The following FASN variants were observed in gnomAD, a reference collection of about 807,000 sequenced individuals.
The protein encoded by FASN is 3-hydroxyacyl-[acyl-carrier-protein] dehydratase.
In FASN, 50 loss-of-function variants were observed where a neutral mutation model predicts 250.0. The ratio of observed to expected loss-of-function variants is 0.20; its 90% CI spans 0.16 to 0.25. FASN has a LOEUF of 0.25. Among genes scored for constraint, FASN ranks in the 10% least tolerant of loss-of-function variants. The pLI is 1.00. For synonymous variants in FASN, 1,909 were observed against 1,584.0 expected (o/e 1.21, Z -4.87); for missense variants, 3,031 against 3,498.5 (o/e 0.87, Z 3.37).
In FASN at chr17:82,087,879, C is replaced by T. The variant is rs200220390; in HGVS notation, c.2867-18G>A. On this transcript the variant is annotated intron_variant, in intron 18 of 42. Coordinates refer to ENST00000306749, the MANE Select transcript of FASN (RefSeq NM_004104.5). ...CACCTTCCCTGTGGAAAGGGAGGTG[C>T]GGAAGGGCCTGAGGACGGGCGGCAT... 2.4e-5 allele frequency: 39 copies of T among 1,612,542 alleles called. No homozygotes were observed. The highest frequency in any genetic ancestry group is 5.5e-5 in the South Asian group (5 of 91,074).
chr17:82,079,170 C>T lies in FASN; in HGVS notation c.7509G>A (p.Glu2503=). ...AGCCCTCCCGCACGCTCACGCGTGG[C>T]TCAGCCAGGGAGCTGTGGATGATGC... ...IISIIHSSLA[E]PRVSVREG The change falls in exon 43 of 43, where the codon GAG becomes GAA. Residue 2503 remains glutamate (E), a synonymous_variant. Transcript: ENST00000306749. 1.2e-6 allele frequency: 2 copies of T among 1,612,672 alleles called. No homozygotes were observed. The highest frequency in any genetic ancestry group is 1.7e-6 in the Non-Finnish European group (2 of 1,179,936).
At chr17:82,090,043 G>C (rs979656223) in intron 11 of FASN, among the ~76,000 whole-genome samples, 1 of 152,214 alleles carries the variant, frequency 6.6e-6, no homozygotes, top group African/African-American at 2.4e-5. Context: ...TGCCAACAGA[G>C]GGCACCAGTC....
At chr17:82,097,640 G>A (rs62078749) in intron 1 of FASN, 33,542 of 152,024 alleles carry the variant, frequency 0.22, 3,912 homozygotes, top group African/African-American at 0.28. Context: ...CCGGGCGGGG[G>A]CTGCTCGGGA....
chr17:82,086,656 C>G, intron 21 of FASN, 98 bp from the exon 22 acceptor site: 2 of 883,534 alleles, frequency 2.3e-6, no homozygotes, highest in Non-Finnish European at 3.6e-6. Flanking sequence ...GGGCCACCAC[C>G]CCGCTCTGCC....
chr17:82,095,346 A>G lies in FASN; in HGVS notation c.254T>C (p.Val85Ala). ...MDPQLRLLLE[V>A]TYEAIVDGGI... Reference sequence around the variant, plus strand: ...TCCGTCCACGATGGCTTCATAGGTGACTTCCAGCAGCAGCCGCAGCTGAGG... The same window carrying G: ...TCCGTCCACGATGGCTTCATAGGTGGCTTCCAGCAGCAGCCGCAGCTGAGG... The change falls in exon 3 of 43, where the codon GTC becomes GCC. Residue 85 changes from valine to alanine, a missense_variant. Transcript: ENST00000306749. 1 of 1,612,938 alleles carries G rather than the reference A, an allele frequency of 6.2e-7. No individual in the cohort carries two copies. The highest frequency in any genetic ancestry group is 1.3e-5 in the African/African-American group (1 of 75,074).
chr17:82,098,055 C>G (rs2034333990), intron 1 of FASN, 66 bp downstream of exon 1: 2 of 323,034 alleles, frequency 6.2e-6, no homozygotes, highest in Non-Finnish European at 1.1e-5. Context: ...GCCGGGCCAC[C>G]CCGGGAACCC....
intron 3 of FASN, among the ~76,000 whole-genome samples, chr17:82,094,576 G>A (rs1315019566): frequency 2.0e-5 from 3 of 151,858 alleles, no homozygotes; most frequent in African/African-American, 7.3e-5. Context: ...GGATCACGAG[G>A]TCAAGAGATC....
intron 30 of FASN, 45 bp downstream of exon 30, chr17:82,083,727 C>T (rs746735973): frequency 2.2e-5 from 35 of 1,609,362 alleles, no homozygotes; most frequent in African/African-American, 5.3e-5. Flanking sequence ...CTCCCTGGGC[C>T]GGAGGCTAGG....
At position 82,083,109 on chromosome 17, in the gene FASN, C is replaced by A. The variant is rs2034021424; in HGVS notation, c.5572G>T (p.Ala1858Ser). ...HIGKVVVQVL[A>S]EEPEAVLKGA... ...TTCAGCACTGCCTCCGGCTCCTCCG[C>A]AAGCACCTGCGTCCAAGCAGCACCC... Residue 1858 changes from alanine to serine, a missense_variant, in exon 33 of 43, where the codon GCG becomes TCG. By Grantham distance (99) the Ala-to-Ser change is moderately conservative (BLOSUM62 1). Transcript: ENST00000306749. 1 of 1,610,202 alleles carries A rather than the reference C, an allele frequency of 6.2e-7. No individual in the cohort carries two copies. Among genetic ancestry groups the A allele is most frequent in the Non-Finnish European group, 8.5e-7 (1 of 1,179,956 alleles).
rs760732138 is a variant in FASN at position 82,082,695 on chromosome 17, T to C, written c.5768-17A>G. On this transcript the variant is annotated splice_polypyrimidine_tract_variant and intron_variant, in intron 33 of 42. Coordinates refer to ENST00000306749, the MANE Select transcript of FASN (RefSeq NM_004104.5). ...CCTGGTAGCCTGCGGGACACAGGAC[T>C]GTGGGCTGGACTGGGCCAGGGTACG... 6 of 1,606,196 alleles carry C rather than the reference T, an allele frequency of 3.7e-6. No homozygotes were observed. In the South Asian group the frequency reaches 5.5e-5, roughly 15 times the overall value.
At chr17:82,092,321 C>T (rs955227512) in intron 8 of FASN, 134 bp downstream of exon 8, 3 of 961,168 alleles carry the variant, frequency 3.1e-6, no homozygotes, top group African/African-American at 3.2e-5. Context: ...GCAGCATAGC[C>T]CGGGGGACAG....
intron 3 of FASN, 98 bp from the exon 4 acceptor site, chr17:82,093,869 C>T (rs1354106011): frequency 3.7e-6 from 5 of 1,348,408 alleles, no homozygotes; most frequent in Non-Finnish European, 5.1e-6. Context: ...ATCTTGGCCT[C>T]ACTGGCTTGG....
rs929431934 is a variant in FASN at position 82,083,888 on chromosome 17, G to A, written c.5102C>T (p.Ser1701Leu). The A allele has an allele frequency of 3.8e-5, 59 of 1,564,910 alleles. No individual in the cohort carries two copies. Among genetic ancestry groups the A allele is most frequent in the African/African-American group, 1.3e-4 (10 of 74,348 alleles). The change falls in exon 30 of 43, where the codon TCG becomes TTG. Residue 1701 changes from serine (S) to leucine (L), a missense_variant. Coordinates refer to ENST00000306749, the MANE Select transcript of FASN (RefSeq NM_004104.5). ...CTGGAGGTACGCCCGCTTCTCAGCC[G>A]ACCCTGGTGAAGAGAGGAAGCGCGG... ...LGCRVFTTVG[S>L]AEKRAYLQAR...
In FASN at chr17:82,079,107, G is replaced by A. The variant is rs765732840; in HGVS notation, c.*36C>T. 6.3e-7 allele frequency: 1 copy of A among 1,593,820 alleles called. No homozygotes were observed. The highest frequency in any genetic ancestry group is 8.5e-7 in the Non-Finnish European group (1 of 1,175,288). ...GGTGGGGTGGGGTGGGGTGGGGATG[G>A]TGGAGTGACCTCCGGTGGCAGGCGG... On this transcript the variant is annotated 3_prime_UTR_variant, in exon 43 of 43. Transcript: ENST00000306749.
intron 11 of FASN, 128 bp downstream of exon 11, chr17:82,090,247 G>C: frequency 1.1e-6 from 1 of 898,426 alleles, no homozygotes. Flanking sequence ...TGTCCGAGCT[G>C]GGTGTCCCCG....
intron 3 of FASN, 77 bp downstream of exon 3, chr17:82,095,243 C>A (rs2034284050): frequency 6.5e-7 from 1 of 1,535,986 alleles, no homozygotes; most frequent in African/African-American, 1.4e-5. Flanking sequence ...TCTACCAGAA[C>A]CAAGAAGAGA....
At position 82,078,640 on chromosome 17, in the gene FASN, C is replaced by G. The variant is rs535079757; in HGVS notation, c.*503G>C. ...CCTCGGGGACTGGCCCACGACCCCC[C>G]ACTCAGCGGGCTGAGCCAATGCCTG... On this transcript the variant is annotated 3_prime_UTR_variant, in exon 43 of 43. Transcript: ENST00000306749. The surrounding 1 kb of genome is among the most constrained non-coding windows in gnomAD (Gnocchi z 5.4). 4.1e-5 allele frequency: 9 copies of G among 217,518 alleles called. No homozygotes were observed. The highest frequency in any genetic ancestry group is 1.1e-4 in the Admixed American group (2 of 18,940). 13.5% of individuals were successfully genotyped at this position (217,518 alleles called of 1,614,324 possible). A position where few individuals can be genotyped will look rare whatever the true frequency, so the allele number is the denominator to read the frequency against.
chr17:82,081,589 G>A lies in FASN; in HGVS notation c.6406+12C>T, dbSNP rs148201644. On this transcript the variant is annotated intron_variant, in intron 37 of 42. Coordinates refer to ENST00000306749, the MANE Select transcript of FASN (RefSeq NM_004104.5). The stretch of plus-strand genomic sequence containing the variant: ...GGAAACACCTGGCGCGGCTCCTACT[G>A]GGAGTGCTCACCCAGGATGTGTGCC... The A allele has an allele frequency of 8.2e-3, 13,144 of 1,611,910 alleles. 88 individuals are homozygous for A. The highest frequency in any genetic ancestry group is 0.016 in the Middle Eastern group (95 of 6,060).
Position 82,080,057 on chromosome 17 carries a change from C to T in FASN, c.7146+83G>A, listed in dbSNP as rs375993608. 259 of 1,420,668 alleles carry T rather than the reference C, an allele frequency of 1.8e-4. 1 individual carries two copies. In the African/African-American group the frequency reaches 2.7e-3, roughly 15 times the overall value. The allele number at this position is 1,420,668 out of a possible 1,614,324, so 88.0% of individuals were successfully genotyped here. A position where few individuals can be genotyped will look rare whatever the true frequency, so the allele number is the denominator to read the frequency against. On this transcript the variant is annotated intron_variant, in intron 41 of 42. Transcript: ENST00000306749. ...GTTGGGGGGCCTTTAACGCTCTTCGCGTCCCATCCCATCCTTCCCTTCCCC... is the reference window on the plus strand; with the variant it reads ...GTTGGGGGGCCTTTAACGCTCTTCGTGTCCCATCCCATCCTTCCCTTCCCC...
Sources: gnomAD v4.1 joint callset for allele counts (sites outside exome capture counted in the v4.1 genomes callset) on GRCh38, gnomAD v4.1.1 for gene constraint, Gnocchi (gnomAD v3.1) non-coding constraint, MANE v1.5 for transcripts, NCBI Gene and HGNC (gene_info 2026-07-23, HGNC 2026-07-21) for gene names.